ZFPM2: variants seen among roughly 807,000 people sequenced by gnomAD.
ZFPM2 encodes the protein zinc finger protein, FOG family member 2, also known as zinc finger protein ZFPM2.
Under a neutral mutation model 98.6 loss-of-function variants are expected in ZFPM2, and 20 were observed. That is an observed-to-expected ratio of 0.20 (90% CI 0.14 to 0.29). The LOEUF (loss-of-function observed/expected upper bound fraction) is 0.29, where lower values mean the gene tolerates loss of function less well. Among genes scored for constraint, ZFPM2 ranks in the 10% least tolerant of loss-of-function variants. The probability of loss-of-function intolerance (pLI) is 1.00; values close to 1 mark genes in which losing one functional copy is unlikely to be tolerated. For missense variants in ZFPM2, 1,310 were observed against 1,388.6 expected (o/e 0.94, Z 0.90); for synonymous variants, 518 against 502.7 (o/e 1.03, Z -0.41).
intron 1 of ZFPM2, among the ~76,000 whole-genome samples, chr8:105,342,476 A>G (rs1449370960): frequency 3.3e-5 from 5 of 152,042 alleles, no homozygotes; most frequent in Non-Finnish European, 5.9e-5. Flanking sequence ...AGACGGATTC[A>G]AGAGGAATGT....
At chr8:105,321,494 G>A (rs942973125) in intron 1 of ZFPM2, among the ~76,000 whole-genome samples, 3 of 152,136 alleles carry the variant, frequency 2.0e-5, no homozygotes, top group African/African-American at 7.2e-5. Flanking sequence ...TGGCACTGCT[G>A]ATAAAACATA....
intron 5 of ZFPM2, among the ~76,000 whole-genome samples, chr8:105,665,726 A>G (rs1343005848): frequency 6.6e-6 from 1 of 152,214 alleles, no homozygotes; most frequent in Non-Finnish European, 1.5e-5. Flanking sequence ...CCCATTTATT[A>G]GCGATGAGGC....
At chr8:105,731,109 G>C (rs1196675159) in intron 5 of ZFPM2, among the ~76,000 whole-genome samples, 2 of 151,732 alleles carry the variant, frequency 1.3e-5, no homozygotes, top group African/African-American at 4.8e-5. Context: ...GATTGCTGAA[G>C]TTATTTAGGC....
At chr8:105,549,595 C>T in intron 3 of ZFPM2, among the ~76,000 whole-genome samples, 1 of 135,352 alleles carries the variant, frequency 7.4e-6, no homozygotes, top group Non-Finnish European at 1.6e-5. Context: ...TCTTTCCTTC[C>T]TCTATCTCTC....
chr8:105,785,780 C>T (rs1409344918), intron 5 of ZFPM2, among the ~76,000 whole-genome samples: 3 of 152,082 alleles, frequency 2.0e-5, no homozygotes, highest in Admixed American at 6.5e-5. Flanking sequence ...TGGTGGCTCA[C>T]GCCTGCAATC....
At chr8:105,764,825 A>G (rs1812822428) in intron 5 of ZFPM2, among the ~76,000 whole-genome samples, 1 of 151,834 alleles carries the variant, frequency 6.6e-6, no homozygotes, top group Non-Finnish European at 1.5e-5. Flanking sequence ...CATTTAGAAG[A>G]AAAAACACCA....
chr8:105,662,715 G>A (rs139903415), intron 5 of ZFPM2: 4 of 150,870 alleles, frequency 2.7e-5, no homozygotes, highest in Admixed American at 1.3e-4. Flanking sequence ...CCCAGCAGAG[G>A]AGAGCAACTA....
chr8:105,651,589 T>C (rs1433069523), intron 5 of ZFPM2, among the ~76,000 whole-genome samples: 1 of 152,158 alleles, frequency 6.6e-6, no homozygotes, highest in East Asian at 1.9e-4. Context: ...ATTAAATATT[T>C]AGTGTGTATC....
intron 5 of ZFPM2, among the ~76,000 whole-genome samples, chr8:105,738,352 C>T (rs1563543491): frequency 6.6e-6 from 1 of 152,128 alleles, no homozygotes; most frequent in East Asian, 1.9e-4. Flanking sequence ...AACATGATCT[C>T]ACTCTTTGTT....
intron 1 of ZFPM2, among the ~76,000 whole-genome samples, chr8:105,398,963 G>A (rs1586344365): frequency 6.6e-6 from 1 of 152,152 alleles, no homozygotes; most frequent in African/African-American, 2.4e-5. Flanking sequence ...AAACCTGAAG[G>A]ATGAACTGAG....
intron 5 of ZFPM2, among the ~76,000 whole-genome samples, chr8:105,655,380 C>T (rs576362726): frequency 5.3e-5 from 8 of 151,844 alleles, no homozygotes; most frequent in Non-Finnish European, 8.8e-5. Flanking sequence ...TACAGGCATG[C>T]GCCACCACGC....
rs530027886 is a variant in ZFPM2, at chr8:105,371,958, A to G, written c.41-47186A>G. 2.6e-5 allele frequency among the ~76,000 whole-genome samples: 4 copies of G among 151,644 alleles called. No individual in the cohort carries two copies. The East Asian group carries it at 7.7e-4, about 29-fold the overall frequency. Reference sequence around the variant, plus strand: ...TACTTAGGATAAAAGGTCATAGTGCATGCAACTTACATTTCAAATGGTTCA... The same window carrying G: ...TACTTAGGATAAAAGGTCATAGTGCGTGCAACTTACATTTCAAATGGTTCA... On this transcript the variant is annotated intron_variant, in intron 1 of 7. Coordinates refer to ENST00000407775, the MANE Select transcript of ZFPM2 (RefSeq NM_012082.4).
chr8:105,618,132 C>T (rs1412146754), intron 4 of ZFPM2, among the ~76,000 whole-genome samples: 1 of 152,102 alleles, frequency 6.6e-6, no homozygotes, highest in Non-Finnish European at 1.5e-5. Context: ...AGGAATCATG[C>T]ATAATGTAAA....
intron 5 of ZFPM2, among the ~76,000 whole-genome samples, chr8:105,730,776 C>CTTTTTT (rs201573898): frequency 9.6e-5 from 12 of 124,384 alleles, no homozygotes; most frequent in East Asian, 2.2e-4. Context: ...TTTCTTTTTT[C>CTTTTTT]TTTTTTTTTT....
chr8:105,371,242 G>A (rs576531313), intron 1 of ZFPM2, among the ~76,000 whole-genome samples: 7 of 152,222 alleles, frequency 4.6e-5, no homozygotes, highest in Admixed American at 1.3e-4. Context: ...ATTGTATAAC[G>A]AGGAGAAAAA....
intron 5 of ZFPM2, among the ~76,000 whole-genome samples, chr8:105,781,370 C>T (rs1813244835): frequency 6.6e-6 from 1 of 152,172 alleles, no homozygotes; most frequent in Admixed American, 6.5e-5. Flanking sequence ...GTGCCTGGCA[C>T]ATAGTAAGTG....
At chr8:105,717,464 C>G (rs934243428) in intron 5 of ZFPM2, among the ~76,000 whole-genome samples, 1 of 151,920 alleles carries the variant, frequency 6.6e-6, no homozygotes, top group Non-Finnish European at 1.5e-5. Context: ...TTCAATATCT[C>G]TGATTGGTTA....
chr8:105,335,117 A>G (rs1420252030), intron 1 of ZFPM2, among the ~76,000 whole-genome samples: 1 of 151,822 alleles, frequency 6.6e-6, no homozygotes, highest in African/African-American at 2.4e-5. Context: ...AAGTGGACAT[A>G]AGGTTAGGAA....
intron 3 of ZFPM2, among the ~76,000 whole-genome samples, chr8:105,506,629 C>T (rs1183000563): frequency 6.6e-6 from 1 of 151,934 alleles, no homozygotes; most frequent in Non-Finnish European, 1.5e-5. Flanking sequence ...TTATAAGAAA[C>T]ATTATCTGCA....
Sources: gnomAD v4.1 joint callset for allele counts (sites outside exome capture counted in the v4.1 genomes callset) on GRCh38, gnomAD v4.1.1 for gene constraint, MANE v1.5 for transcripts, NCBI Gene and HGNC (gene_info 2026-07-23, HGNC 2026-07-21) for gene names.